Variants in PDE4D observed in about 807,000 individuals in gnomAD.
PDE4D encodes phosphodiesterase 4D.
PDE4D carries 24 observed loss-of-function variants against 87.4 expected under a neutral mutation model. The observed-to-expected ratio is 0.27, with a 90% CI of 0.20 to 0.39. PDE4D has a LOEUF of 0.39. PDE4D is among the 10% of genes least tolerant of loss of function. PDE4D has a pLI of 1.00. For synonymous variants in PDE4D, 384 were observed against 383.2 expected (o/e 1.00, Z -0.02); for missense variants, 714 against 1,041.0 (o/e 0.69, Z 4.32).
intron 6 of PDE4D, among the ~76,000 whole-genome samples, chr5:58,996,648 C>G (rs776362583): frequency 1.3e-5 from 2 of 152,158 alleles, no homozygotes; most frequent in African/African-American, 4.8e-5. Context: ...ACAGGTTTAT[C>G]TTCTAACTTG....
chr5:59,420,773 T>C (rs995768190), intron 1 of PDE4D, among the ~76,000 whole-genome samples: 21 of 151,558 alleles, frequency 1.4e-4, no homozygotes, highest in Non-Finnish European at 2.2e-4. Flanking sequence ...TCTTGCTATA[T>C]ACATGATGGA....
intron 1 of PDE4D, among the ~76,000 whole-genome samples, chr5:60,269,075 G>A (rs936911473): frequency 8.5e-5 from 13 of 152,170 alleles, no homozygotes; most frequent in East Asian, 3.9e-4. Context: ...AGGCCGAGGC[G>A]GGCGGATCAC....
chr5:60,375,912 G>T (rs372622315), intron 1 of PDE4D, among the ~76,000 whole-genome samples: 3 of 152,070 alleles, frequency 2.0e-5, no homozygotes, highest in African/African-American at 7.2e-5. Flanking sequence ...GGTGGTACGC[G>T]CCTGTAGTCC....
chr5:59,143,620 T>A (rs1334141374), intron 5 of PDE4D, among the ~76,000 whole-genome samples: 1 of 152,202 alleles, frequency 6.6e-6, no homozygotes, highest in Non-Finnish European at 1.5e-5. Context: ...CAATAAATAT[T>A]ATAATTAATA....
At chr5:59,707,899 A>G (rs1219070529) in intron 1 of PDE4D, among the ~76,000 whole-genome samples, 1 of 152,150 alleles carries the variant, frequency 6.6e-6, no homozygotes, top group Non-Finnish European at 1.5e-5. Flanking sequence ...TGCTATTGTG[A>G]ATAGTGCTGT....
chr5:60,463,185 T>C (rs1747092137), intron 1 of PDE4D, among the ~76,000 whole-genome samples: 2 of 152,136 alleles, frequency 1.3e-5, no homozygotes, highest in South Asian at 2.1e-4. Flanking sequence ...ACTGAGCCTA[T>C]GCATACAGGA....
At chr5:59,488,378 T>C (rs748485844) in intron 1 of PDE4D, among the ~76,000 whole-genome samples, 23 of 152,200 alleles carry the variant, frequency 1.5e-4, no homozygotes, top group Admixed American at 7.2e-4. Flanking sequence ...GATGTGCATC[T>C]TGTAAGATTT....
chr5:59,687,826 C>T (rs1157713838), intron 1 of PDE4D, among the ~76,000 whole-genome samples: 2 of 152,112 alleles, frequency 1.3e-5, no homozygotes, highest in Non-Finnish European at 2.9e-5. Flanking sequence ...GGAGACCCAT[C>T]TCACGTGCAG....
At chr5:60,222,260 T>A (rs1744583574) in intron 1 of PDE4D, among the ~76,000 whole-genome samples, 1 of 152,018 alleles carries the variant, frequency 6.6e-6, no homozygotes, top group Admixed American at 6.6e-5. Context: ...TGGCCAACTG[T>A]CATCCTCAAT....
intron 5 of PDE4D, among the ~76,000 whole-genome samples, chr5:59,123,187 C>T (rs959824945): frequency 3.3e-5 from 5 of 152,130 alleles, no homozygotes; most frequent in African/African-American, 1.2e-4. Flanking sequence ...AACGAGAATT[C>T]TCGGGTCTAT....
chr5:59,286,392 A>T (rs2153552158), intron 1 of PDE4D, among the ~76,000 whole-genome samples: 1 of 152,308 alleles, frequency 6.6e-6, no homozygotes. Context: ...TAGGACTTAA[A>T]CTTAGATTAC....
chr5:59,458,685 G>A (rs1446791898), intron 1 of PDE4D, among the ~76,000 whole-genome samples: 2 of 152,194 alleles, frequency 1.3e-5, no homozygotes, highest in African/African-American at 2.4e-5. Flanking sequence ...AACCTACAAC[G>A]ATTTCTGGAC....
intron 1 of PDE4D, among the ~76,000 whole-genome samples, chr5:60,337,351 C>CTATATATATATATATATATATA (rs748923956): frequency 4.8e-5 from 3 of 62,258 alleles, no homozygotes; most frequent in Admixed American, 2.1e-4. Flanking sequence ...AACAAACAAA[C>CTATATATATATATATATATATA]TATATATATA....
chr5:59,943,585 CTT>C (rs1454200007), intron 3 of PDE4D, among the ~76,000 whole-genome samples: 1 of 152,186 alleles, frequency 6.6e-6, no homozygotes. Flanking sequence ...ATAATTTCCT[CTT>C]TGAGACTCAT....
intron 1 of PDE4D, among the ~76,000 whole-genome samples, chr5:60,473,341 G>A (rs941609088): frequency 6.6e-6 from 1 of 152,066 alleles, no homozygotes; most frequent in African/African-American, 2.4e-5. Flanking sequence ...GGGACAACTG[G>A]TGAAATTTGA....
At chr5:58,979,551 C>G (rs1240068598) in intron 11 of PDE4D, among the ~76,000 whole-genome samples, 3 of 152,148 alleles carry the variant, frequency 2.0e-5, no homozygotes, top group Non-Finnish European at 4.4e-5. Flanking sequence ...ATCAAAGACA[C>G]TAATCCATTA....
chr5:60,047,650 T>C (rs1769464978), intron 2 of PDE4D, among the ~76,000 whole-genome samples: 1 of 152,142 alleles, frequency 6.6e-6, no homozygotes, highest in Non-Finnish European at 1.5e-5. Flanking sequence ...AGGAGCAGGT[T>C]GTTCAGTTTC....
At chr5:59,060,770 C>T (rs1763008584) in intron 5 of PDE4D, among the ~76,000 whole-genome samples, 2 of 152,236 alleles carry the variant, frequency 1.3e-5, no homozygotes, top group African/African-American at 2.4e-5. Context: ...GATGGCTAAA[C>T]TGCTTGCTCC....
At chr5:59,650,239 G>A (rs1743228264) in intron 1 of PDE4D, among the ~76,000 whole-genome samples, 1 of 151,898 alleles carries the variant, frequency 6.6e-6, no homozygotes, top group South Asian at 2.1e-4. Flanking sequence ...TAGAGGGGTG[G>A]TTCAATTTAA....
Sources: allele counts gnomAD v4.1 joint callset (sites outside exome capture counted in the v4.1 genomes callset), GRCh38; gene constraint gnomAD v4.1.1; transcripts MANE v1.5; gene names NCBI Gene and HGNC (gene_info 2026-07-23, HGNC 2026-07-21).